Variants in NUP93 observed in about 807,000 individuals in gnomAD.
The protein encoded by NUP93 is nuclear pore complex protein Nup93.
In NUP93, 55 loss-of-function variants were observed where a neutral mutation model predicts 107.8. The observed-to-expected ratio is 0.51, with a 90% CI of 0.41 to 0.64. The LOEUF is 0.64. NUP93 is among the 30% of genes least tolerant of loss of function. NUP93 has a pLI of 0.00. For missense variants in NUP93, 937 were observed against 1,044.7 expected, an observed-to-expected ratio of 0.90 and a Z score of 1.42; for synonymous variants, 390 against 397.5, an observed-to-expected ratio of 0.98 and a Z score of 0.22.
chr16:56,841,944 C>T (rs1257304643), intron 21 of NUP93, 111 bp downstream of exon 21: 3 of 1,301,896 alleles, frequency 2.3e-6, no homozygotes, highest in Non-Finnish European at 3.1e-6. Flanking sequence ...CTCCTCAGTA[C>T]CTGGCAGCTG....
chr16:56,739,326 C>T (rs9673262), intron 1 of NUP93, among the ~76,000 whole-genome samples: 9 of 66,160 alleles, frequency 1.4e-4, no homozygotes, highest in Admixed American at 4.2e-4. Context: ...CCGGACGGGG[C>T]GGCTGGCCGG....
chr16:56,758,683 C>A, intron 3 of NUP93, 28 bp downstream of exon 3: 2 of 1,518,334 alleles, frequency 1.3e-6, no homozygotes, highest in Non-Finnish European at 1.8e-6. Flanking sequence ...CAGGTGGAAC[C>A]CAGAGCATAT....
Position 56,808,179 on chromosome 16 carries a change from A to T in NUP93, c.489+2547A>T, listed in dbSNP as rs1349058835. Reference sequence around the variant, plus strand: ...AATATATAGTTATATAACTATATAAAATATATAGTTATATAACTATATAAA... The same window carrying T: ...AATATATAGTTATATAACTATATAATATATATAGTTATATAACTATATAAA... On this transcript the variant is annotated intron_variant, in intron 5 of 21. Transcript: ENST00000308159. Among the ~76,000 whole-genome samples the T allele has an allele frequency of 2.8e-4, 34 of 119,356 alleles. No individual in the cohort carries two copies. In the South Asian group the frequency reaches 3.7e-3, roughly 13 times the overall value. 78.3% of individuals were successfully genotyped at this position (119,356 alleles called of 152,430 possible).
At chr16:56,749,655 A>C (rs1961883973) in intron 2 of NUP93, among the ~76,000 whole-genome samples, 3 of 152,190 alleles carry the variant, frequency 2.0e-5, no homozygotes, top group Admixed American at 1.3e-4. Context: ...CAGGAGTATT[A>C]TGTAGGAGTG....
At chr16:56,742,112 C>T (rs1961749025) in intron 1 of NUP93, among the ~76,000 whole-genome samples, 1 of 152,196 alleles carries the variant, frequency 6.6e-6, no homozygotes, top group African/African-American at 2.4e-5. Context: ...GCAGTGGATT[C>T]CCTTTAGCAT....
chr16:56,731,449 G>A (rs1961533717), intron 1 of NUP93, among the ~76,000 whole-genome samples: 1 of 151,080 alleles, frequency 6.6e-6, no homozygotes, highest in African/African-American at 2.4e-5. Context: ...GCTCAGTCTG[G>A]AGTGCAGTGG....
At position 56,850,076 on chromosome 16, in the gene NUP93, T is replaced by A. The variant is rs532128048; in HGVS notation, c.*5467T>A. On this transcript the variant is annotated 3_prime_UTR_variant, in exon 22 of 22. Transcript: ENST00000308159. ...CTCAGTGGGGGAGAATTCTTTGCGTTTTTCAGTTGACTGATTATTTTCCTT... is the reference window on the plus strand; with the variant it reads ...CTCAGTGGGGGAGAATTCTTTGCGTATTTCAGTTGACTGATTATTTTCCTT... 6.6e-6 allele frequency: 1 copy of A among 152,370 alleles called. No homozygotes were observed. Among genetic ancestry groups the A allele is most frequent in the Non-Finnish European group, 1.5e-5 (1 of 68,034 alleles). The allele number at this position is 152,370 out of a possible 1,614,324, so 9.4% of individuals were successfully genotyped here.
intron 18 of NUP93, 77 bp downstream of exon 18, chr16:56,837,803 A>G (rs1963944480): frequency 2.9e-6 from 3 of 1,041,718 alleles, no homozygotes; most frequent in Non-Finnish European, 4.4e-6. Context: ...ACCCAAATGC[A>G]TGTTCAGCTT....
chr16:56,834,770 A>G lies in NUP93; in HGVS notation c.1774A>G (p.Ser592Gly). 6.2e-7 allele frequency: 1 copy of G among 1,611,800 alleles called. No homozygotes were observed. Among genetic ancestry groups the G allele is most frequent in the Non-Finnish European group, 8.5e-7 (1 of 1,178,312 alleles). The part of the protein sequence containing the change: ...MILGKLENDG[S>G]RKPGVIDKFT... ...TCTTGGGAAACTAGAGAATGACGGA[A>G]GTAGAAAGGTGAGTTAAATGCATCC... Residue 592 changes from serine to glycine, a missense_variant, in exon 16 of 22, where the codon AGT (serine) becomes GGT (glycine). Ser to Gly is a moderately conservative substitution (Grantham distance 56). Transcript: ENST00000308159.
At chr16:56,736,563 C>T (rs1365224286) in intron 1 of NUP93, among the ~76,000 whole-genome samples, 1 of 152,074 alleles carries the variant, frequency 6.6e-6, no homozygotes, top group African/African-American at 2.4e-5. Context: ...TGAGGTAACA[C>T]AGAGATGCAA....
intron 3 of NUP93, among the ~76,000 whole-genome samples, chr16:56,793,613 T>C (rs1300619647): frequency 6.6e-6 from 1 of 151,752 alleles, no homozygotes; most frequent in East Asian, 1.9e-4. Context: ...AGGAAACACA[T>C]GGGTAGGAAA....
chr16:56,830,385 TG>T, intron 9 of NUP93, 142 bp from the exon 10 acceptor site: 1 of 684,400 alleles, frequency 1.5e-6, no homozygotes, highest in South Asian at 3.7e-5. Flanking sequence ...AGGAAAAGGC[TG>T]TTAATGGTTC....
intron 1 of NUP93, among the ~76,000 whole-genome samples, chr16:56,739,472 G>A (rs1961671022): frequency 5.1e-5 from 4 of 78,102 alleles, no homozygotes; most frequent in South Asian, 6.1e-4. Flanking sequence ...AGGGGCGGCC[G>A]GGCAGAGGCA....
At chr16:56,781,803 A>C (rs1962520044) in intron 3 of NUP93, 1 of 984,100 alleles carries the variant, frequency 1.0e-6, no homozygotes, top group Non-Finnish European at 1.2e-6. Flanking sequence ...GTTAACAATA[A>C]AATACCCTTC....
chr16:56,836,128 C>CAAAA (rs766959511), intron 16 of NUP93, among the ~76,000 whole-genome samples: 277 of 94,736 alleles, frequency 2.9e-3, no homozygotes, highest in Admixed American at 4.9e-3. Flanking sequence ...GACTCTGTCT[C>CAAAA]AAAAAAAAAA....
chr16:56,836,784 A>T, intron 17 of NUP93, 67 bp downstream of exon 17: 1 of 1,003,060 alleles, frequency 1.0e-6, no homozygotes, highest in South Asian at 1.4e-5. Context: ...TTAAATGTGC[A>T]GCCACTTGGA....
At position 56,847,539 on chromosome 16, in the gene NUP93, TA is replaced by T. The variant is rs1318979735; in HGVS notation, c.*2933del. ...GTTCCTGTCTCAGAATGGCTCATAA[TA>T]AACTCACTGAAACACTCAAAGGAAA... On this transcript the variant is annotated 3_prime_UTR_variant, in exon 22 of 22. Transcript: ENST00000308159. 1 of 152,228 alleles carries T rather than the reference TA, an allele frequency of 6.6e-6. No homozygotes were observed. Among genetic ancestry groups the T allele is most frequent in the Non-Finnish European group, 1.5e-5 (1 of 68,032 alleles). The allele number at this position is 152,228 out of a possible 1,614,324, so 9.4% of individuals were successfully genotyped here. A position where few individuals can be genotyped will look rare whatever the true frequency, so the allele number is the denominator to read the frequency against.
intron 3 of NUP93, among the ~76,000 whole-genome samples, chr16:56,789,608 T>C (rs1189845999): frequency 6.6e-6 from 1 of 152,240 alleles, no homozygotes; most frequent in Non-Finnish European, 1.5e-5. Flanking sequence ...TTACAGCGTC[T>C]GCTGCCACCT....
chr16:56,845,638 G>T lies in NUP93; in HGVS notation c.*1029G>T, dbSNP rs1964107805. 1 of 152,210 alleles carries T rather than the reference G, an allele frequency of 6.6e-6. No individual in the cohort carries two copies. Among genetic ancestry groups the T allele is most frequent in the African/African-American group, 2.4e-5 (1 of 41,438 alleles). 9.4% of individuals were successfully genotyped at this position (152,210 alleles called of 1,614,324 possible). On this transcript the variant is annotated 3_prime_UTR_variant, in exon 22 of 22. Coordinates refer to ENST00000308159, the MANE Select transcript of NUP93 (RefSeq NM_014669.5). ...TTAGGTCGTGTTTGTTCCTGAATGG[G>T]CCAACTGGAGCCTTGAGACAGTGGG...
Sources: gnomAD v4.1 joint callset for allele counts (sites outside exome capture counted in the v4.1 genomes callset) on GRCh38, gnomAD v4.1.1 for gene constraint, MANE v1.5 for transcripts, NCBI Gene and HGNC (gene_info 2026-07-23, HGNC 2026-07-21) for gene names.